The following MAD1L1 variants were observed in gnomAD, a reference collection of about 807,000 sequenced individuals.
The protein encoded by MAD1L1 is mitotic arrest deficient 1 like 1.
Under a neutral mutation model 96.9 loss-of-function variants are expected in MAD1L1, and 95 were observed. That is an observed-to-expected ratio of 0.98 (90% confidence interval 0.83 to 1.16). The LOEUF (loss-of-function observed/expected upper bound fraction) is 1.16. Ranked by LOEUF, MAD1L1 falls within the 50% of genes most tolerant of loss-of-function variation. The probability of loss-of-function intolerance (pLI) is 0.00; values close to 1 mark genes in which losing one functional copy is unlikely to be tolerated. For synonymous variants in MAD1L1, 473 were observed against 396.6 expected (o/e 1.19, Z -2.29); for missense variants, 1,007 against 954.4 (o/e 1.06, Z -0.73).
At chr7:2,232,450 T>G (rs1794245280) in intron 1 of MAD1L1, among the ~76,000 whole-genome samples, 1 of 152,134 alleles carries the variant, frequency 6.6e-6, no homozygotes, top group Non-Finnish European at 1.5e-5. Flanking sequence ...CAAGAGCCCC[T>G]GCAGCCCCGA....
intron 17 of MAD1L1, among the ~76,000 whole-genome samples, chr7:1,908,598 T>C (rs1020122895): frequency 2.0e-5 from 3 of 152,178 alleles, no homozygotes; most frequent in Non-Finnish European, 4.4e-5. Context: ...GTTGTTGACC[T>C]GCGGGCCTCA....
intron 14 of MAD1L1, among the ~76,000 whole-genome samples, chr7:1,993,898 C>A (rs190024480): frequency 2.0e-5 from 3 of 152,348 alleles, no homozygotes; most frequent in East Asian, 3.9e-4. Context: ...CCTGGGCTAA[C>A]GCTGGAGCCC....
intron 11 of MAD1L1, among the ~76,000 whole-genome samples, chr7:2,074,882 G>A (rs1003232543): frequency 6.6e-6 from 1 of 152,226 alleles, no homozygotes; most frequent in African/African-American, 2.4e-5. Flanking sequence ...TGTGGTGTCA[G>A]AGACAGGCGG....
rs781515825 is a variant in MAD1L1 at position 1,898,217 on chromosome 7, C to T, written c.1981G>A (p.Asp661Asn). The T allele has an allele frequency of 6.8e-6, 11 of 1,611,214 alleles. No homozygotes were observed. Among genetic ancestry groups the T allele is most frequent in the Non-Finnish European group, 9.3e-6 (11 of 1,178,650 alleles). The part of the protein sequence containing the change: ...LTSLYAEHPG[D>N]CLIFKATSPS... ...GGACCCACCTTGAAGATGAGGCAGT[C>T]GCCTGGGTGCTCGGCGTACAGCGAG... The change falls in exon 18 of 19, where the codon GAC becomes AAC. Residue 661 changes from aspartate (D) to asparagine (N), a missense_variant. By Grantham distance (23) the Asp-to-Asn change is conservative (BLOSUM62 1). Coordinates refer to ENST00000265854, the MANE Select transcript of MAD1L1 (RefSeq NM_001013836.2).
At chr7:2,205,695 G>A (rs1007135189) in intron 10 of MAD1L1, among the ~76,000 whole-genome samples, 20 of 152,202 alleles carry the variant, frequency 1.3e-4, no homozygotes, top group Admixed American at 9.2e-4. Context: ...CACACCTGCC[G>A]TTCTCAGTGC....
At chr7:2,039,965 G>A (rs1378694630) in intron 12 of MAD1L1, among the ~76,000 whole-genome samples, 5 of 152,050 alleles carry the variant, frequency 3.3e-5, no homozygotes, top group East Asian at 3.8e-4. Context: ...AAAAGAAATC[G>A]GTCAAGCCTA....
At chr7:2,190,122 A>C (rs1358604519) in intron 10 of MAD1L1, among the ~76,000 whole-genome samples, 1 of 152,258 alleles carries the variant, frequency 6.6e-6, no homozygotes, top group Non-Finnish European at 1.5e-5. Flanking sequence ...CTTACAAAGA[A>C]AAAGCTGGAG....
intron 18 of MAD1L1, among the ~76,000 whole-genome samples, chr7:1,893,055 C>T (rs901865427): frequency 6.6e-6 from 1 of 152,200 alleles, no homozygotes; most frequent in African/African-American, 2.4e-5. Context: ...CCTCCCCGCT[C>T]CAGGCCCAGG....
chr7:2,212,467 G>A (rs776052946), intron 10 of MAD1L1, among the ~76,000 whole-genome samples: 3 of 152,196 alleles, frequency 2.0e-5, no homozygotes, highest in Non-Finnish European at 2.9e-5. Context: ...GAAGTGTTTG[G>A]ATCCTCGAGT....
chr7:2,132,137 A>G (rs1372963810), intron 11 of MAD1L1, among the ~76,000 whole-genome samples: 2 of 152,128 alleles, frequency 1.3e-5, no homozygotes, highest in African/African-American at 4.8e-5. Context: ...CTTACTTGCT[A>G]ATTTTTGTTT....
At chr7:1,832,880 C>A (rs1378163260) in intron 18 of MAD1L1, among the ~76,000 whole-genome samples, 3 of 152,078 alleles carry the variant, frequency 2.0e-5, no homozygotes, top group African/African-American at 7.2e-5. Context: ...GATCCACTTG[C>A]CTCAGCCTCC....
At chr7:1,847,948 A>G (rs1783734168) in intron 18 of MAD1L1, 3 of 351,918 alleles carry the variant, frequency 8.5e-6, no homozygotes, top group South Asian at 6.3e-5. Flanking sequence ...CAGGGCTAAC[A>G]GGCCACCCAG....
intron 11 of MAD1L1, among the ~76,000 whole-genome samples, chr7:2,137,532 T>G (rs1432771444): frequency 6.6e-6 from 1 of 152,146 alleles, no homozygotes; most frequent in East Asian, 1.9e-4. Flanking sequence ...CTTCTGCACC[T>G]TGCACACACC....
chr7:2,002,783 G>C (rs1781856356), intron 13 of MAD1L1, among the ~76,000 whole-genome samples: 1 of 152,244 alleles, frequency 6.6e-6, no homozygotes, highest in East Asian at 1.9e-4. Flanking sequence ...CAGGATGTCA[G>C]CAGTCCAGCT....
At chr7:2,156,677 C>T (rs1038544145) in intron 10 of MAD1L1, among the ~76,000 whole-genome samples, 1 of 151,968 alleles carries the variant, frequency 6.6e-6, no homozygotes, top group South Asian at 2.1e-4. Context: ...AAAAATTAGC[C>T]GGGTGCAGTG....
chr7:2,022,189 A>C (rs986121352), intron 12 of MAD1L1, among the ~76,000 whole-genome samples: 3 of 152,188 alleles, frequency 2.0e-5, no homozygotes, highest in Non-Finnish European at 4.4e-5. Context: ...GTGTGGGGTG[A>C]CGATGGTGCA....
chr7:1,842,295 C>A (rs923953991), intron 18 of MAD1L1, among the ~76,000 whole-genome samples: 1 of 152,218 alleles, frequency 6.6e-6, no homozygotes, highest in East Asian at 1.9e-4. Flanking sequence ...CCTGTGCTCC[C>A]GCTCCGTGTG....
At chr7:1,972,727 C>T (rs1459645519) in intron 15 of MAD1L1, among the ~76,000 whole-genome samples, 1 of 152,072 alleles carries the variant, frequency 6.6e-6, no homozygotes, top group African/African-American at 2.4e-5. Flanking sequence ...ATTCCACTCT[C>T]CTTTCTCCAG....
chr7:2,168,030 A>T (rs1000150697), intron 10 of MAD1L1, among the ~76,000 whole-genome samples: 1 of 152,106 alleles, frequency 6.6e-6, no homozygotes, highest in African/African-American at 2.4e-5. Context: ...CACGCCTGTA[A>T]TCCCAGCACT....
Sources: gnomAD v4.1 joint callset for allele counts (sites outside exome capture counted in the v4.1 genomes callset) on GRCh38, gnomAD v4.1.1 for gene constraint, MANE v1.5 for transcripts, NCBI Gene and HGNC (gene_info 2026-07-23, HGNC 2026-07-21) for gene names.